Variants in ACP7 observed in about 807,000 individuals in gnomAD.
ACP7 encodes acid phosphatase 7, tartrate resistant (putative), also known as acid phosphatase type 7.
ACP7 carries 58 observed loss-of-function variants against 60.6 expected under a neutral mutation model. The ratio of observed to expected loss-of-function variants is 0.96; its 90% CI spans 0.77 to 1.19. The LOEUF is 1.19. Ranked by LOEUF, ACP7 falls within the 50% of genes most tolerant of loss-of-function variation. The pLI, the probability that ACP7 is intolerant of heterozygous loss-of-function variation, is 0.00. For synonymous variants in ACP7, 237 were observed against 232.6 expected, an observed-to-expected ratio of 1.02 and a Z score of -0.17; for missense variants, 574 against 596.2, an observed-to-expected ratio of 0.96 and a Z score of 0.39.
At chr19:39,089,194 GC>G (rs1408535495) in intron 2 of ACP7, among the ~76,000 whole-genome samples, 1 of 152,146 alleles carries the variant, frequency 6.6e-6, no homozygotes. Flanking sequence ...CTCCCAAAGT[GC>G]TGGGATTACA....
intron 11 of ACP7, among the ~76,000 whole-genome samples, chr19:39,106,223 G>A (rs1220311351): frequency 6.6e-6 from 1 of 152,200 alleles, no homozygotes; most frequent in African/African-American, 2.4e-5. Context: ...AGGGTCTACT[G>A]TGCAGCCAGG....
intron 2 of ACP7, among the ~76,000 whole-genome samples, chr19:39,098,086 A>G (rs1271583805): frequency 6.6e-6 from 1 of 151,774 alleles, no homozygotes; most frequent in African/African-American, 2.4e-5. Flanking sequence ...CTACATCTCT[A>G]CTAAAAATGC....
intron 2 of ACP7, among the ~76,000 whole-genome samples, chr19:39,093,250 CTTTCTCTTTCTTTT>C (rs1301871884): frequency 7.1e-6 from 1 of 141,616 alleles, no homozygotes; most frequent in Admixed American, 7.2e-5. Context: ...CTCTTTCTTT[CTTTCTCTTTCTTTT>C]TTTCGAGACG....
At chr19:39,090,078 C>T (rs1208865625) in intron 2 of ACP7, among the ~76,000 whole-genome samples, 4 of 152,142 alleles carry the variant, frequency 2.6e-5, no homozygotes, top group Non-Finnish European at 4.4e-5. Context: ...TGGATCTTAT[C>T]GGCAACAATT....
chr19:39,098,248 T>C (rs1231172631), intron 2 of ACP7, among the ~76,000 whole-genome samples: 1 of 68,912 alleles, frequency 1.5e-5, no homozygotes, highest in African/African-American at 6.4e-5. Flanking sequence ...AGTAAGACCC[T>C]GACTCAAAAA....
At chr19:39,101,253 A>T (rs376943790) in intron 9 of ACP7, 35 bp from the exon 10 acceptor site, 6 of 1,614,112 alleles carry the variant, frequency 3.7e-6, no homozygotes, top group South Asian at 1.1e-5. Flanking sequence ...CCTCTCCCCA[A>T]TTCAGAGGTC....
At chr19:39,104,089 T>A (rs756714804) in intron 11 of ACP7, among the ~76,000 whole-genome samples, 8 of 150,968 alleles carry the variant, frequency 5.3e-5, no homozygotes, top group Non-Finnish European at 7.4e-5. Flanking sequence ...AAATAATAAT[T>A]ATTATTATCA....
intron 2 of ACP7, among the ~76,000 whole-genome samples, chr19:39,087,909 C>T (rs11672265): frequency 0.36 from 54,630 of 151,992 alleles, 10,731 homozygotes; most frequent in East Asian, 0.57. Flanking sequence ...GCTGGGATTA[C>T]AGGCGTGAGC....
intron 11 of ACP7, among the ~76,000 whole-genome samples, chr19:39,105,313 C>A (rs1054931524): frequency 6.6e-6 from 1 of 152,012 alleles, no homozygotes. Context: ...CTGTGCCCGG[C>A]GTCTCTTTCA....
chr19:39,097,070 G>A (rs2073274597), intron 2 of ACP7, among the ~76,000 whole-genome samples: 1 of 152,178 alleles, frequency 6.6e-6, no homozygotes. Context: ...AAAGTGCTGG[G>A]TTTACAGGCA....
At chr19:39,101,105 G>A in intron 8 of ACP7, 45 bp from the exon 9 acceptor site, 1 of 1,613,862 alleles carries the variant, frequency 6.2e-7, no homozygotes, top group Non-Finnish European at 8.5e-7. Flanking sequence ...AAGCCAGGTG[G>A]GCGTCAGTCT....
chr19:39,101,253 A>C (rs376943790), intron 9 of ACP7, 35 bp from the exon 10 acceptor site: 3 of 1,614,112 alleles, frequency 1.9e-6, no homozygotes, highest in Admixed American at 1.7e-5. Context: ...CCTCTCCCCA[A>C]TTCAGAGGTC....
chr19:39,106,896 C>G, intron 11 of ACP7, 51 bp from the exon 12 acceptor site: 11 of 1,604,620 alleles, frequency 6.9e-6, no homozygotes, highest in Non-Finnish European at 9.4e-6. Flanking sequence ...ATTTCTGCTT[C>G]CCCGCGGGTC....
chr19:39,093,068 G>A (rs531397914), intron 2 of ACP7, among the ~76,000 whole-genome samples: 4 of 151,290 alleles, frequency 2.6e-5, no homozygotes, highest in African/African-American at 7.3e-5. Flanking sequence ...GTGAGCCACC[G>A]CGCCTGGCCC....
At chr19:39,102,715 T>TTACTTTCTTTCTTTCTTTCTTTCTTTC (rs1555769415) in intron 11 of ACP7, among the ~76,000 whole-genome samples, 3 of 118,710 alleles carry the variant, frequency 2.5e-5, no homozygotes, top group Non-Finnish European at 3.5e-5. Context: ...CAATGAAGAC[T>TTACTTTCTTTCTTTCTTTCTTTCTTTC]TTTCTTTCTT....
At chr19:39,093,627 T>A (rs1296784070) in intron 2 of ACP7, among the ~76,000 whole-genome samples, 3 of 152,112 alleles carry the variant, frequency 2.0e-5, no homozygotes, top group African/African-American at 7.2e-5. Flanking sequence ...GGCCTCAAAG[T>A]GATCTACCCA....
chr19:39,100,153 T>C (rs888527056), intron 4 of ACP7, 74 bp from the exon 5 acceptor site: 3 of 1,581,058 alleles, frequency 1.9e-6, no homozygotes, highest in East Asian at 2.3e-5. Flanking sequence ...TGAGTCACCA[T>C]ACCTGGCTCT....
chr19:39,108,913 C>G (rs943457121), intron 12 of ACP7, among the ~76,000 whole-genome samples: 3 of 151,988 alleles, frequency 2.0e-5, no homozygotes, highest in Non-Finnish European at 4.4e-5. Flanking sequence ...CTCCACCTCC[C>G]AGGTTCAAGC....
In ACP7 at chr19:39,100,792, T is replaced by G; in HGVS notation, c.746T>G (p.Phe249Cys). The G allele has an allele frequency of 6.2e-7, 1 of 1,614,014 alleles. No homozygotes were observed. The highest frequency in any genetic ancestry group is 8.5e-7 in the Non-Finnish European group (1 of 1,179,986). Residue 249 changes from phenylalanine to cysteine, a missense_variant, in exon 7 of 13, where the codon TTT (phenylalanine) becomes TGT (cysteine). Transcript: ENST00000331256. ...TCCTTCTCCACCGAGGTCTATTTCT[T>G]TCTCCATTATGGCCGCCACTTGGTA... ...IISFSTEVYFFLHYGRHLVQR... is the reference protein window; with the variant it reads ...IISFSTEVYFCLHYGRHLVQR...
Sources: gnomAD v4.1 joint callset for allele counts (sites outside exome capture counted in the v4.1 genomes callset) on GRCh38, gnomAD v4.1.1 for gene constraint, MANE v1.5 for transcripts, NCBI Gene and HGNC (gene_info 2026-07-23, HGNC 2026-07-21) for gene names.